Variants in DHX57 observed in about 807,000 individuals in gnomAD.
The protein encoded by DHX57 is DExH-box helicase 57.
Under a neutral mutation model 156.2 loss-of-function variants are expected in DHX57, and 105 were observed. The observed-to-expected ratio is 0.67, with a 90% CI of 0.57 to 0.79. The LOEUF is 0.79. DHX57 is among the 30% of genes least tolerant of loss of function. The pLI is 0.00. For synonymous variants in DHX57, 704 were observed against 595.6 expected (o/e 1.18, Z -2.65); for missense variants, 1,847 against 1,661.9 (o/e 1.11, Z -1.94).
At chr2:38,815,980 G>C (rs1670526577) in intron 19 of DHX57, 1 of 399,602 alleles carries the variant, frequency 2.5e-6, no homozygotes, top group Admixed American at 3.6e-5. Flanking sequence ...AAATTCTTAG[G>C]ACAGCAAAAA....
intron 1 of DHX57, among the ~76,000 whole-genome samples, chr2:38,874,529 C>A (rs1665512082): frequency 6.6e-6 from 1 of 151,280 alleles, no homozygotes; most frequent in Non-Finnish European, 1.5e-5. Context: ...CCTGCCTCAG[C>A]CTCCTGAGTA....
chr2:38,841,800 T>C (rs78275935), intron 12 of DHX57, among the ~76,000 whole-genome samples: 2 of 152,172 alleles, frequency 1.3e-5, no homozygotes, highest in South Asian at 2.1e-4. Context: ...TTAGCTTATA[T>C]GGATAGAAGA....
At chr2:38,865,951 A>ATAG (rs1231028607) in intron 2 of DHX57, among the ~76,000 whole-genome samples, 1 of 152,204 alleles carries the variant, frequency 6.6e-6, no homozygotes, top group African/African-American at 2.4e-5. Flanking sequence ...GCTATTGAGT[A>ATAG]TAGATTCATA....
chr2:38,865,538 G>T (rs150174759), intron 2 of DHX57, among the ~76,000 whole-genome samples: 1 of 152,132 alleles, frequency 6.6e-6, no homozygotes, highest in East Asian at 1.9e-4. Flanking sequence ...TTATAGCAGC[G>T]TGAGAATGGA....
chr2:38,859,271 A>G, intron 5 of DHX57, among the ~76,000 whole-genome samples: 1 of 152,218 alleles, frequency 6.6e-6, no homozygotes, highest in East Asian at 1.9e-4. Flanking sequence ...AAAGAAGCCC[A>G]TCTCAAAAAG....
At chr2:38,871,536 G>A (rs961652326) in intron 1 of DHX57, among the ~76,000 whole-genome samples, 1 of 152,104 alleles carries the variant, frequency 6.6e-6, no homozygotes, top group Non-Finnish European at 1.5e-5. Context: ...CCACAGACTA[G>A]GTAATTTATA....
intron 11 of DHX57, among the ~76,000 whole-genome samples, chr2:38,845,271 A>G (rs1235556198): frequency 6.6e-6 from 1 of 152,128 alleles, no homozygotes; most frequent in Admixed American, 6.6e-5. Context: ...AAAAGTAAAG[A>G]CAGGTAAACT....
In DHX57 at chr2:38,825,913, T is replaced by C. The variant is rs1385869485; in HGVS notation, c.2948A>G (p.Asn983Ser). 1.2e-6 allele frequency: 2 copies of C among 1,614,166 alleles called. No individual in the cohort carries two copies. The highest frequency in any genetic ancestry group is 1.7e-5 in the Admixed American group (1 of 60,012). The change falls in exon 16 of 24, where the codon AAT becomes AGT. Residue 983 changes from asparagine (N) to serine (S), a missense_variant. Coordinates refer to ENST00000457308, the MANE Select transcript of DHX57 (RefSeq NM_198963.3). ...CFHLFTSHHYNHQLLKQQLPE... is the reference protein window; with the variant it reads ...CFHLFTSHHYSHQLLKQQLPE... ...TAGCTGTTGTTTTAAAAGCTGGTGA[T>C]TGTAGTGATGGCTAGTGAATAAATG...
intron 1 of DHX57, among the ~76,000 whole-genome samples, chr2:38,870,836 G>A (rs747671201): frequency 2.0e-5 from 3 of 151,574 alleles, no homozygotes; most frequent in African/African-American, 4.9e-5. Context: ...CCGAGATTGC[G>A]CCACTGCACT....
rs878958846 is a variant in DHX57 at position 38,853,873 on chromosome 2, C to T, written c.2030+181G>A. ...TAATAAGTGATGAGCATGTGCTGTC[C>T]TTTTTAGTGTTACAGACCCTGGAGA... On this transcript the variant is annotated intron_variant, in intron 9 of 23. Coordinates refer to ENST00000457308, the MANE Select transcript of DHX57 (RefSeq NM_198963.3). The T allele has an allele frequency of 9.9e-6, 5 of 505,598 alleles. No homozygotes were observed. In the South Asian group the frequency reaches 1.0e-4, roughly 10 times the overall value. The allele number at this position is 505,598 out of a possible 1,614,324, so 31.3% of individuals were successfully genotyped here.
chr2:38,818,623 C>T (rs1323670602), intron 19 of DHX57, among the ~76,000 whole-genome samples: 1 of 152,078 alleles, frequency 6.6e-6, no homozygotes, highest in Non-Finnish European at 1.5e-5. Flanking sequence ...ATCTTACTGC[C>T]TATATTCTAC....
At chr2:38,819,200 GGTCTT>G in intron 17 of DHX57, 56 bp from the exon 18 acceptor site, 1 of 1,549,054 alleles carries the variant, frequency 6.5e-7, no homozygotes, top group Admixed American at 1.7e-5. Context: ...TCAAAGACAG[GGTCTT>G]GTTCTGTTGC....
chr2:38,862,430 G>C (rs542051606), intron 3 of DHX57, 97 bp from the exon 4 acceptor site: 1 of 1,194,856 alleles, frequency 8.4e-7, no homozygotes, highest in East Asian at 2.7e-5. Context: ...ATAGGATCCT[G>C]ACTACTCTTC....
At chr2:38,807,593 G>A (rs563829197) in intron 21 of DHX57, among the ~76,000 whole-genome samples, 144 of 152,116 alleles carry the variant, frequency 9.5e-4, no homozygotes, top group Non-Finnish European at 1.6e-3. Flanking sequence ...TCCTGACCTT[G>A]TGATCCACCT....
At position 38,861,273 on chromosome 2, in the gene DHX57, C is replaced by G. The variant is rs779680984; in HGVS notation, c.1137G>C (p.Glu379Asp). The change falls in exon 5 of 24, where the codon GAG becomes GAC. Residue 379 changes from glutamate to aspartate, a missense_variant. Transcript: ENST00000457308. ...APLVAFYSTN[E>D]NLPLACRLHI... ...GTAAACGACAAGCCAGAGGTAGGTT[C>G]TCATTGGTGGAATAAAATGCCACGA... 3 of 1,614,100 alleles carry G rather than the reference C, an allele frequency of 1.9e-6. No homozygotes were observed. The South Asian group carries it at 3.3e-5, about 18-fold the overall frequency.
intron 13 of DHX57, among the ~76,000 whole-genome samples, chr2:38,832,084 C>T (rs1040668558): frequency 6.6e-6 from 1 of 152,150 alleles, no homozygotes; most frequent in African/African-American, 2.4e-5. Flanking sequence ...CCAACACTCA[C>T]TACTTGCCAA....
chr2:38,818,350 C>A (rs1670648736), intron 19 of DHX57, among the ~76,000 whole-genome samples: 1 of 152,072 alleles, frequency 6.6e-6, no homozygotes, highest in African/African-American at 2.4e-5. Flanking sequence ...CATGGTGAAA[C>A]CCCATCTCTA....
chr2:38,832,128 C>T (rs1048354977), intron 13 of DHX57, among the ~76,000 whole-genome samples: 4 of 152,080 alleles, frequency 2.6e-5, no homozygotes, highest in African/African-American at 9.7e-5. Flanking sequence ...TTTTATATGG[C>T]TCACAAGTCT....
chr2:38,845,251 G>T (rs1672209030), intron 11 of DHX57, among the ~76,000 whole-genome samples: 1 of 151,870 alleles, frequency 6.6e-6, no homozygotes, highest in South Asian at 2.1e-4. Flanking sequence ...TCTGGAAGCA[G>T]TGAGTTTGAA....
Sources: allele counts gnomAD v4.1 joint callset (sites outside exome capture counted in the v4.1 genomes callset), GRCh38; gene constraint gnomAD v4.1.1; transcripts MANE v1.5; gene names NCBI Gene and HGNC (gene_info 2026-07-23, HGNC 2026-07-21).